The following TAFA5 variants were observed in gnomAD, a reference collection of about 807,000 sequenced individuals.
TAFA5 encodes TAFA chemokine like family member 5, also known as chemokine-like protein TAFA-5.
A neutral mutation model predicts 15.3 loss-of-function variants in TAFA5; 6 were observed. The ratio of observed to expected loss-of-function variants is 0.39; its 90% CI spans 0.21 to 0.77. TAFA5 has a LOEUF of 0.77. TAFA5 is among the 30% of genes least tolerant of loss of function. TAFA5 has a pLI of 0.41. For synonymous variants in TAFA5, 103 were observed against 80.7 expected, an observed-to-expected ratio of 1.28 and a Z score of -1.48; for missense variants, 161 against 193.1, an observed-to-expected ratio of 0.83 and a Z score of 0.98.
At chr22:48,664,817 G>A (rs763109785) in intron 2 of TAFA5, among the ~76,000 whole-genome samples, 17 of 152,128 alleles carry the variant, frequency 1.1e-4, no homozygotes, top group Non-Finnish European at 1.8e-4. Context: ...TCCCTGTACC[G>A]CCATCTATCT....
intron 1 of TAFA5, among the ~76,000 whole-genome samples, chr22:48,548,721 C>T (rs1922761482): frequency 1.3e-5 from 2 of 152,272 alleles, no homozygotes; most frequent in Admixed American, 1.3e-4. Flanking sequence ...CTGGCTAAAG[C>T]AGGCCACATG....
At chr22:48,571,016 T>A (rs1247445619) in intron 1 of TAFA5, among the ~76,000 whole-genome samples, 1 of 152,198 alleles carries the variant, frequency 6.6e-6, no homozygotes, top group Non-Finnish European at 1.5e-5. Flanking sequence ...TTCCCTTGAT[T>A]CCTTTCTCTG....
At chr22:48,612,926 G>A (rs866456642) in intron 1 of TAFA5, among the ~76,000 whole-genome samples, 9 of 152,080 alleles carry the variant, frequency 5.9e-5, no homozygotes, top group African/African-American at 2.2e-4. Context: ...GTGAGCCGGT[G>A]GCCTGGTCAC....
chr22:48,508,497 G>A (rs572859209), intron 1 of TAFA5, among the ~76,000 whole-genome samples: 1 of 152,292 alleles, frequency 6.6e-6, no homozygotes, highest in East Asian at 1.9e-4. Flanking sequence ...AGAAGGCGGT[G>A]GGCGCCCTGA....
At chr22:48,576,516 G>T in intron 1 of TAFA5, 8 of 1,514,414 alleles carry the variant, frequency 5.3e-6, no homozygotes, top group Non-Finnish European at 7.1e-6. Flanking sequence ...CACTGGCAGG[G>T]GCCGCGCTCT....
intron 1 of TAFA5, among the ~76,000 whole-genome samples, chr22:48,572,259 G>A (rs933950660): frequency 2.0e-5 from 3 of 152,200 alleles, no homozygotes; most frequent in Admixed American, 1.3e-4. Context: ...TGAAGTGTGT[G>A]TAGTGACCGG....
intron 3 of TAFA5, among the ~76,000 whole-genome samples, chr22:48,724,302 C>T (rs1363891908): frequency 2.0e-5 from 3 of 152,196 alleles, no homozygotes; most frequent in Non-Finnish European, 4.4e-5. Flanking sequence ...CATGTGGCTT[C>T]AGGTTCTCAC....
In TAFA5 at chr22:48,679,780, C is replaced by CCG. The variant is rs1346102565; in HGVS notation, c.263-27937_263-27936insCG. ...CCCCGTCCATCCCTCTCCCGGCTCC[C>CCG]TGTCCATCCCTCTCCTGGTGTGGCT... On this transcript the variant is annotated intron_variant, in intron 2 of 3. Transcript: ENST00000402357. Among the ~76,000 whole-genome samples, 45 of 151,314 alleles carry CCG rather than the reference C, an allele frequency of 3.0e-4. 3 individuals carry two copies. Among genetic ancestry groups the CCG allele is most frequent in the African/African-American group, 1.0e-3 (41 of 40,874 alleles).
chr22:48,557,513 A>T (rs1923082431), intron 1 of TAFA5, among the ~76,000 whole-genome samples: 1 of 152,170 alleles, frequency 6.6e-6, no homozygotes, highest in Admixed American at 6.5e-5. Context: ...TGGCCACCCT[A>T]GGACACCAGT....
At chr22:48,718,998 C>T (rs985299907) in intron 3 of TAFA5, among the ~76,000 whole-genome samples, 8 of 152,222 alleles carry the variant, frequency 5.3e-5, no homozygotes, top group African/African-American at 7.2e-5. Context: ...CCTCTTTGCC[C>T]GGCCGGGTCA....
chr22:48,727,806 C>A (rs1929754633), intron 3 of TAFA5, among the ~76,000 whole-genome samples: 2 of 152,134 alleles, frequency 1.3e-5, no homozygotes, highest in Admixed American at 6.5e-5. Flanking sequence ...TAAATTGGAA[C>A]AATATTGTCA....
At chr22:48,647,517 C>T (rs540829228) in intron 2 of TAFA5, among the ~76,000 whole-genome samples, 13 of 152,226 alleles carry the variant, frequency 8.5e-5, no homozygotes, top group African/African-American at 2.4e-4. Context: ...GTTCAGGGGA[C>T]AGCATGAGAC....
chr22:48,726,288 G>T (rs1292380639), intron 3 of TAFA5, among the ~76,000 whole-genome samples: 3 of 152,248 alleles, frequency 2.0e-5, no homozygotes, highest in Non-Finnish European at 4.4e-5. Flanking sequence ...ACTGTCTTCA[G>T]TGCGGATGGC....
At chr22:48,673,155 C>T (rs975668527) in intron 2 of TAFA5, among the ~76,000 whole-genome samples, 1 of 152,200 alleles carries the variant, frequency 6.6e-6, no homozygotes, top group African/African-American at 2.4e-5. Context: ...TGAGGAAGGT[C>T]CCCTCCATCA....
At position 48,508,822 on chromosome 22, in the gene TAFA5, C is replaced by T. The variant is rs148934089; in HGVS notation, c.112+19118C>T. 4.5e-3 allele frequency among the ~76,000 whole-genome samples: 684 copies of T among 152,254 alleles called. 3 individuals carry two copies. The highest frequency in any genetic ancestry group is 0.016 in the African/African-American group (653 of 41,528). On this transcript the variant is annotated intron_variant, in intron 1 of 3. Transcript: ENST00000402357. ...ATTGATCATTTCTCTGTGTTGGGAACGCTCAAGATCCTCTCTTCCAGGTTT... is the reference window on the plus strand; with the variant it reads ...ATTGATCATTTCTCTGTGTTGGGAATGCTCAAGATCCTCTCTTCCAGGTTT...
chr22:48,504,406 G>C (rs1235431364), intron 1 of TAFA5, among the ~76,000 whole-genome samples: 1 of 152,222 alleles, frequency 6.6e-6, no homozygotes, highest in African/African-American at 2.4e-5. Context: ...TGGGCAGGGG[G>C]GCAGCTGGTC....
chr22:48,707,975 C>A, intron 3 of TAFA5, 131 bp downstream of exon 3: 1 of 1,216,256 alleles, frequency 8.2e-7, no homozygotes, highest in Non-Finnish European at 1.1e-6. Context: ...GAGGCCAGGG[C>A]CCTGTCTCCT....
intron 1 of TAFA5, among the ~76,000 whole-genome samples, chr22:48,630,937 G>A (rs945217885): frequency 6.6e-6 from 1 of 152,208 alleles, no homozygotes; most frequent in African/African-American, 2.4e-5. Flanking sequence ...GTGCGTGCTG[G>A]CTCTGGGATG....
At chr22:48,507,312 C>T (rs777412240) in intron 1 of TAFA5, among the ~76,000 whole-genome samples, 112 of 147,206 alleles carry the variant, frequency 7.6e-4, no homozygotes, top group Middle Eastern at 3.5e-3. Flanking sequence ...GAGGAGTGGC[C>T]GGCCGGTCAG....
Sources: allele counts gnomAD v4.1 joint callset (sites outside exome capture counted in the v4.1 genomes callset), GRCh38; gene constraint gnomAD v4.1.1; transcripts MANE v1.5; gene names NCBI Gene and HGNC (gene_info 2026-07-23, HGNC 2026-07-21).